The following TBL1Y variants were observed in gnomAD, a reference collection of about 807,000 sequenced individuals.
TBL1Y encodes the protein transducin beta like 1 Y-linked.
Under a neutral mutation model 12.0 loss-of-function variants are expected in TBL1Y, and 15 were observed. That is an observed-to-expected ratio of 1.25 (90% confidence interval 0.83 to 1.92). The LOEUF is 1.92. TBL1Y is among the 40% of genes most tolerant of loss of function. The pLI, the probability that TBL1Y is intolerant of heterozygous loss-of-function variation, is 0.00. For missense variants in TBL1Y, 148 were observed against 116.7 expected (o/e 1.27, Z -1.24); for synonymous variants, 53 against 42.6 (o/e 1.24, Z -0.95).
At chrY:7,060,340 C>CT (rs760582034) in intron 7 of TBL1Y, among the ~76,000 whole-genome samples, 4 of 30,139 alleles carry the variant, frequency 1.3e-4, no homozygotes, top group Admixed American at 3.1e-4. Context: ...CCTTTTATAC[C>CT]TTTTTTTTTT....
intron 2 of TBL1Y, among the ~76,000 whole-genome samples, chrY:6,921,119 T>C (rs2011774344): frequency 3.0e-5 from 1 of 33,035 alleles, no homozygotes; most frequent in Non-Finnish European, 7.4e-5. Flanking sequence ...GCTCCTTGCT[T>C]CTACTGAACT....
In TBL1Y at chrY:7,063,884, C is replaced by T. The variant is rs1403600156; in HGVS notation, c.205-13C>T. ...TTGTGAGCTGATGGCTGTCCCTTGG[C>T]TTGCTTCCCCAGGATGGCACAGTGT... On this transcript the variant is annotated splice_polypyrimidine_tract_variant and intron_variant, in intron 7 of 18. Coordinates refer to ENST00000383032, the MANE Select transcript of TBL1Y (RefSeq NM_033284.2). 3 of 397,765 alleles carry T rather than the reference C, an allele frequency of 7.5e-6. No individual in the cohort carries two copies. The highest frequency in any genetic ancestry group is 3.5e-6 in the Non-Finnish European group (1 of 283,185).
intron 7 of TBL1Y, among the ~76,000 whole-genome samples, chrY:7,054,296 T>C: frequency 3.0e-5 from 1 of 33,829 alleles, no homozygotes; most frequent in African/African-American, 1.2e-4. Flanking sequence ...TTAAGCGGCT[T>C]GCAACTTAGA....
chrY:7,063,900 G>A lies in TBL1Y; in HGVS notation c.208G>A (p.Gly70Ser), dbSNP rs948597265. Residue 70 changes from glycine to serine, a missense_variant, in exon 8 of 19, where the codon GGC becomes AGC. By Grantham distance (56) the Gly-to-Ser change is moderately conservative (BLOSUM62 0). Coordinates refer to ENST00000383032, the MANE Select transcript of TBL1Y (RefSeq NM_033284.2). Reference protein sequence around the residue: ...VEAEISINKDGTVFDSRPIES... With the variant: ...VEAEISINKDSTVFDSRPIES... ...GTCCCTTGGCTTGCTTCCCCAGGAT[G>A]GCACAGTGTTCGACAGCCGCCCTAT... 11 of 395,559 alleles carry A rather than the reference G, an allele frequency of 2.8e-5. No homozygotes were observed. The highest frequency in any genetic ancestry group is 2.6e-4 in the African/African-American group (4 of 15,375).
chrY:7,037,468 C>A (rs774909390), intron 6 of TBL1Y, among the ~76,000 whole-genome samples: 5 of 33,624 alleles, frequency 1.5e-4, no homozygotes, highest in South Asian at 6.7e-4. Flanking sequence ...TATTGTTTCT[C>A]ATTTTTTTCT....
At chrY:7,085,735 AAG>A (rs1265716075) in intron 14 of TBL1Y, among the ~76,000 whole-genome samples, 161 bp from the exon 15 acceptor site, 23 of 32,680 alleles carry the variant, frequency 7.0e-4, no homozygotes, top group Non-Finnish European at 1.4e-3. Context: ...AAGTGAGAAA[AAG>A]AGGAAACTAG....
At position 7,071,848 on chromosome Y, in the gene TBL1Y, A is replaced by T; in HGVS notation, c.894+18A>T. The T allele has an allele frequency of 2.7e-6, 1 of 365,508 alleles. No homozygotes were observed. The allele number at this position is 365,508 out of a possible 400,897, so 91.2% of individuals were successfully genotyped here. The stretch of plus-strand genomic sequence containing the variant: ...TAGACAAAGTGAGTATTAGCTTAAA[A>T]TATGCCCCTTTATCTATAGGTGCTT... On this transcript the variant is annotated intron_variant, in intron 12 of 18. Transcript: ENST00000383032.
At chrY:6,935,257 A>G (rs2011895940) in intron 2 of TBL1Y, among the ~76,000 whole-genome samples, 1 of 32,416 alleles carries the variant, frequency 3.1e-5, no homozygotes, top group Non-Finnish European at 7.5e-5. Context: ...CCTTTTTATA[A>G]TGTCGCTCCC....
rs990545706 is a variant in TBL1Y at position 7,071,793 on chromosome Y, A to G, written c.857A>G (p.Lys286Arg). 2 of 397,658 alleles carry G rather than the reference A, an allele frequency of 5.0e-6. No homozygotes were observed. The highest frequency in any genetic ancestry group is 7.1e-6 in the Non-Finnish European group (2 of 283,030). Residue 286 changes from lysine (K) to arginine (R), a missense_variant, in exon 12 of 19, where the codon AAA becomes AGA. Transcript: ENST00000383032. ...KGPIFALKWN[K>R]KGNYVLSAGV... ...CCCATCTTCGCTCTGAAATGGAACA[A>G]AAAGGGGAATTATGTTTTGAGTGCT...
chrY:7,061,489 C>G, intron 7 of TBL1Y, among the ~76,000 whole-genome samples: 1 of 32,463 alleles, frequency 3.1e-5, no homozygotes, highest in Non-Finnish European at 7.5e-5. Flanking sequence ...GACTTCCTGT[C>G]TCTCTCTTTC....
At chrY:7,037,764 G>T in intron 6 of TBL1Y, among the ~76,000 whole-genome samples, 1 of 34,346 alleles carries the variant, frequency 2.9e-5, no homozygotes, top group Non-Finnish European at 7.3e-5. Context: ...TTTAGGAATA[G>T]CATACAGTGC....
At chrY:6,911,064 C>T (rs886460568) in intron 1 of TBL1Y, 82 bp downstream of exon 1, 15 of 36,859 alleles carry the variant, frequency 4.1e-4, no homozygotes, top group Non-Finnish European at 8.7e-4. Flanking sequence ...GTCCTGCCGG[C>T]GGCTCCGGCC....
intron 3 of TBL1Y, among the ~76,000 whole-genome samples, chrY:6,993,193 CTTTCTTTCTTT>C (rs2012382844): frequency 1.2e-4 from 1 of 8,291 alleles, no homozygotes; most frequent in Non-Finnish European, 2.4e-4. Context: ...AGTTCCTTTT[CTTTCTTTCTTT>C]CTTTCTTTCT....
chrY:7,063,270 C>G, intron 7 of TBL1Y, among the ~76,000 whole-genome samples: 2 of 33,871 alleles, frequency 5.9e-5, no homozygotes, highest in Non-Finnish European at 1.5e-4. Flanking sequence ...AGGCAAGTTA[C>G]TTCTGTAGAA....
chrY:6,935,598 T>C (rs2011898864), intron 2 of TBL1Y, among the ~76,000 whole-genome samples: 1 of 33,844 alleles, frequency 3.0e-5, no homozygotes, highest in African/African-American at 1.2e-4. Flanking sequence ...TCAAACTTCA[T>C]TATGCATCAG....
intron 2 of TBL1Y, among the ~76,000 whole-genome samples, chrY:6,938,762 A>T: frequency 3.0e-5 from 1 of 33,568 alleles, no homozygotes; most frequent in African/African-American, 1.2e-4. Flanking sequence ...GTTCCTTCAG[A>T]TGTTCAGATG....
chrY:6,972,809 C>T, intron 2 of TBL1Y, among the ~76,000 whole-genome samples: 4 of 33,445 alleles, frequency 1.2e-4, no homozygotes, highest in Non-Finnish European at 3.0e-4. Flanking sequence ...CTTCATCTTG[C>T]CTGCCCTGGA....
chrY:6,912,530 A>G, intron 2 of TBL1Y, among the ~76,000 whole-genome samples: 1 of 33,151 alleles, frequency 3.0e-5, no homozygotes, highest in Non-Finnish European at 7.4e-5. Context: ...CTCTGCTAGC[A>G]GTTTTAAAGA....
At chrY:6,958,898 G>GC in intron 2 of TBL1Y, among the ~76,000 whole-genome samples, 1 of 33,891 alleles carries the variant, frequency 3.0e-5, no homozygotes, top group Non-Finnish European at 7.3e-5. Flanking sequence ...CCCAGGGGCA[G>GC]GCAGCAGACA....
Sources: gnomAD v4.1 joint callset for allele counts (sites outside exome capture counted in the v4.1 genomes callset) on GRCh38, gnomAD v4.1.1 for gene constraint, MANE v1.5 for transcripts, NCBI Gene and HGNC (gene_info 2026-07-23, HGNC 2026-07-21) for gene names.